Variants in LRRIQ3 observed in about 807,000 individuals in gnomAD.
LRRIQ3 encodes leucine rich repeats and IQ motif containing 3.
LRRIQ3 carries 75 observed loss-of-function variants against 59.3 expected under a neutral mutation model. That is an observed-to-expected ratio of 1.26 (90% CI 1.05 to 1.53). The LOEUF is 1.53. LRRIQ3 is among the 40% of genes most tolerant of loss of function. The probability of loss-of-function intolerance (pLI) is 0.00; values close to 1 mark genes in which losing one functional copy is unlikely to be tolerated. For synonymous variants in LRRIQ3, 250 were observed against 231.3 expected (o/e 1.08, Z -0.73); for missense variants, 831 against 710.0 (o/e 1.17, Z -1.94).
In LRRIQ3 at chr1:74,122,555, T is replaced by C. The variant is rs528842329; in HGVS notation, c.708-13002A>G. Among the ~76,000 whole-genome samples, 363 of 152,046 alleles carry C rather than the reference T, an allele frequency of 2.4e-3. 1 individual carries two copies. Among genetic ancestry groups the C allele is most frequent in the African/African-American group, 8.5e-3 (354 of 41,512 alleles). On this transcript the variant is annotated intron_variant, in intron 4 of 7. Transcript: ENST00000354431. ...CTACAATCATCTAATCTTTGACAAC[T>C]CTGACAAAAACAAGAAATGGGGAAA...
chr1:74,096,935 G>GT (rs1646457451), intron 5 of LRRIQ3, among the ~76,000 whole-genome samples: 1 of 152,150 alleles, frequency 6.6e-6, no homozygotes, highest in African/African-American at 2.4e-5. Flanking sequence ...GTACCCGGCT[G>GT]TGTGGAGTGT....
rs771944726 is a variant in LRRIQ3, at chr1:74,041,736, G to T, written c.1195C>A (p.Arg399=). The change falls in exon 7 of 8, where the codon CGA becomes AGA. Residue 399 remains arginine, a synonymous_variant. Coordinates refer to ENST00000354431, the MANE Select transcript of LRRIQ3 (RefSeq NM_001105659.2). ...AACTCTTTCATACTCCGCTCCAATC[G>T]TATGTCTTTTTTAATGATTGGCTTT... ...HPKPIIKKDI[R]LERSMKEFFA... 1 of 1,613,380 alleles carries T rather than the reference G, an allele frequency of 6.2e-7. No individual in the cohort carries two copies. Among genetic ancestry groups the T allele is most frequent in the African/African-American group, 1.3e-5 (1 of 74,856 alleles).
At chr1:74,180,535 T>C (rs1350965723) in intron 3 of LRRIQ3, 1 of 525,694 alleles carries the variant, frequency 1.9e-6, no homozygotes, top group African/African-American at 2.0e-5. Flanking sequence ...AGTGCTGCCA[T>C]TTCTGTTAAA....
intron 3 of LRRIQ3, among the ~76,000 whole-genome samples, chr1:74,173,903 CGTT>C (rs1367558421): frequency 6.6e-6 from 1 of 151,884 alleles, no homozygotes. Context: ...TTGGTTGTCA[CGTT>C]TTGGGTTTTT....
chr1:74,091,815 T>C (rs1037904570), intron 5 of LRRIQ3, among the ~76,000 whole-genome samples: 20 of 152,138 alleles, frequency 1.3e-4, no homozygotes, highest in Non-Finnish European at 1.2e-4. Flanking sequence ...AATACTTTCT[T>C]TACTTCTTGA....
At chr1:74,059,307 C>T (rs1441732632) in intron 6 of LRRIQ3, among the ~76,000 whole-genome samples, 3 of 151,696 alleles carry the variant, frequency 2.0e-5, no homozygotes. Flanking sequence ...TCTAAAACAT[C>T]GTTGCCCAAG....
At chr1:74,094,225 C>A (rs932668928) in intron 5 of LRRIQ3, among the ~76,000 whole-genome samples, 1 of 152,012 alleles carries the variant, frequency 6.6e-6, no homozygotes, top group Non-Finnish European at 1.5e-5. Flanking sequence ...TATAGCCACA[C>A]AAGTTTAGAA....
At chr1:74,176,336 ATTGT>A (rs1446286026) in intron 3 of LRRIQ3, among the ~76,000 whole-genome samples, 2 of 151,974 alleles carry the variant, frequency 1.3e-5, no homozygotes, top group African/African-American at 4.8e-5. Context: ...TGTCACTCTC[ATTGT>A]TTTTCACCTA....
chr1:74,190,058 A>G (rs1650659695), intron 1 of LRRIQ3, among the ~76,000 whole-genome samples: 1 of 152,146 alleles, frequency 6.6e-6, no homozygotes, highest in African/African-American at 2.4e-5. Context: ...AACACATTAG[A>G]AAGCTGAACA....
intron 5 of LRRIQ3, among the ~76,000 whole-genome samples, chr1:74,077,078 T>C (rs1215430482): frequency 1.3e-5 from 2 of 152,028 alleles, no homozygotes; most frequent in Non-Finnish European, 2.9e-5. Context: ...AGGCCCTGGT[T>C]TTTCTATTAG....
At chr1:74,112,866 TTACGA>T (rs1391885880) in intron 4 of LRRIQ3, among the ~76,000 whole-genome samples, 1 of 152,104 alleles carries the variant, frequency 6.6e-6, no homozygotes, top group Non-Finnish European at 1.5e-5. Flanking sequence ...TCCCGGATTG[TTACGA>T]TACATTACCT....
intron 5 of LRRIQ3, among the ~76,000 whole-genome samples, chr1:74,078,006 G>A (rs780197670): frequency 9.9e-5 from 15 of 151,776 alleles, no homozygotes; most frequent in Non-Finnish European, 2.2e-4. Flanking sequence ...ATATTTTAAG[G>A]ATATTTGGTA....
At chr1:74,094,438 G>A (rs1399600293) in intron 5 of LRRIQ3, among the ~76,000 whole-genome samples, 1 of 151,972 alleles carries the variant, frequency 6.6e-6, no homozygotes, top group Non-Finnish European at 1.5e-5. Context: ...AAGAGGTTAG[G>A]GTGATGTGAG....
chr1:74,131,050 A>G (rs1647009393), intron 4 of LRRIQ3, among the ~76,000 whole-genome samples: 1 of 152,144 alleles, frequency 6.6e-6, no homozygotes. Context: ...TAATGGAGAT[A>G]TTACCACCAC....
chr1:74,176,710 G>A (rs1338684048), intron 3 of LRRIQ3, among the ~76,000 whole-genome samples: 2 of 151,962 alleles, frequency 1.3e-5, no homozygotes, highest in Non-Finnish European at 2.9e-5. Context: ...ACAGCTTTAG[G>A]GGTAGCCTTG....
At position 74,157,553 on chromosome 1, in the gene LRRIQ3, T is replaced by G. The variant is rs190535372; in HGVS notation, c.574-1687A>C. Among the ~76,000 whole-genome samples the G allele has an allele frequency of 1.2e-3, 183 of 152,178 alleles. 1 individual carries two copies. Among genetic ancestry groups the G allele is most frequent in the African/African-American group, 4.3e-3 (180 of 41,546 alleles). ...ATGTTTGTTTCTCCCACTTTCTTTT[T>G]TTTTGTTTTGTTTTTCTATCTCTCA... On this transcript the variant is annotated intron_variant, in intron 3 of 7. Transcript: ENST00000354431.
chr1:74,169,979 T>G (rs943001218), intron 3 of LRRIQ3, among the ~76,000 whole-genome samples: 1 of 152,188 alleles, frequency 6.6e-6, no homozygotes, highest in Non-Finnish European at 1.5e-5. Flanking sequence ...TGGAGAAATG[T>G]CTATTCAAGT....
intron 5 of LRRIQ3, among the ~76,000 whole-genome samples, chr1:74,077,697 G>A (rs556557449): frequency 6.6e-6 from 1 of 151,972 alleles, no homozygotes; most frequent in Admixed American, 6.6e-5. Context: ...TCATGACAAA[G>A]GGTACATATA....
chr1:74,033,865 C>A (rs999017240), intron 7 of LRRIQ3, among the ~76,000 whole-genome samples: 3 of 151,906 alleles, frequency 2.0e-5, no homozygotes, highest in African/African-American at 4.8e-5. Flanking sequence ...CTAAGTGATA[C>A]CCTACTTCAA....
Sources: gnomAD v4.1 joint callset for allele counts (sites outside exome capture counted in the v4.1 genomes callset) on GRCh38, gnomAD v4.1.1 for gene constraint, MANE v1.5 for transcripts, NCBI Gene and HGNC (gene_info 2026-07-23, HGNC 2026-07-21) for gene names.